IPO7: variants seen among roughly 807,000 people sequenced by gnomAD.
IPO7 encodes the protein importin-7.
IPO7 carries 13 observed loss-of-function variants against 136.4 expected under a neutral mutation model. The ratio of observed to expected loss-of-function variants is 0.10; its 90% confidence interval spans 0.06 to 0.15. IPO7 has a LOEUF of 0.15. IPO7 is among the 10% of genes least tolerant of loss of function. The pLI is 1.00. For missense variants in IPO7, 857 were observed against 1,240.6 expected, an observed-to-expected ratio of 0.69 and a Z score of 4.65; for synonymous variants, 403 against 404.4, an observed-to-expected ratio of 1.00 and a Z score of 0.04.
At chr11:9,406,266 G>C (rs1267557695) in intron 2 of IPO7, among the ~76,000 whole-genome samples, 1 of 151,864 alleles carries the variant, frequency 6.6e-6, no homozygotes, top group East Asian at 1.9e-4. Flanking sequence ...GCCTTCCAAA[G>C]TGCTGGGATC....
rs1427562679 is a variant in IPO7 at position 9,435,011 on chromosome 11, A to G, written c.2152A>G (p.Ile718Val). 4 of 1,600,446 alleles carry G rather than the reference A, an allele frequency of 2.5e-6. No individual in the cohort carries two copies. The highest frequency in any genetic ancestry group is 4.5e-5 in the East Asian group (2 of 44,774). The change falls in exon 19 of 25, where the codon ATA becomes GTA. Residue 718 changes from isoleucine (I) to valine (V), a missense_variant. Coordinates refer to ENST00000379719, the MANE Select transcript of IPO7 (RefSeq NM_006391.3). ...GTCTGACACCAAGTATCTTGAAATG[A>G]TATACAGTATGTGCAAAAAGGTAGG... is the stretch of plus-strand genomic sequence containing the variant. ...LLSDTKYLEM[I>V]YSMCKKVLTG...
In IPO7 at chr11:9,433,285, C is replaced by G. The variant is rs1855325855; in HGVS notation, c.1882-285C>G. 8.4e-6 allele frequency: 3 copies of G among 355,048 alleles called. No individual in the cohort carries two copies. In the East Asian group the frequency reaches 1.7e-4, roughly 20 times the overall value. The allele number at this position is 355,048 out of a possible 1,614,324, so 22.0% of individuals were successfully genotyped here. On this transcript the variant is annotated intron_variant, in intron 16 of 24. Coordinates refer to ENST00000379719, the MANE Select transcript of IPO7 (RefSeq NM_006391.3). ...ACAGGCGTGAGCCACCGCGCCCGGC[C>G]AACTCCTTTATTTTCATAGTTGTTT... is the stretch of plus-strand genomic sequence containing the variant.
chr11:9,437,507 G>A (rs886065992), intron 20 of IPO7, among the ~76,000 whole-genome samples: 2 of 151,994 alleles, frequency 1.3e-5, no homozygotes, highest in Non-Finnish European at 2.9e-5. Context: ...GCCTGCCTCA[G>A]CCTCCCAAAG....
chr11:9,440,917 G>A (rs868731526), intron 23 of IPO7, among the ~76,000 whole-genome samples: 1 of 152,282 alleles, frequency 6.6e-6, no homozygotes, highest in South Asian at 2.1e-4. Context: ...CAGTGACAGT[G>A]CCTCTTTGCT....
chr11:9,411,826 T>C (rs1854971837), intron 4 of IPO7, among the ~76,000 whole-genome samples: 1 of 152,176 alleles, frequency 6.6e-6, no homozygotes, highest in South Asian at 2.1e-4. Flanking sequence ...TTTTTACTCA[T>C]TAGCTTAGAT....
At chr11:9,401,521 C>T (rs558424440) in intron 1 of IPO7, among the ~76,000 whole-genome samples, 1 of 149,664 alleles carries the variant, frequency 6.7e-6, no homozygotes, top group Admixed American at 6.7e-5. Context: ...ATAGCGAGAC[C>T]TGATACCTAA....
intron 23 of IPO7, 83 bp downstream of exon 23, chr11:9,440,744 G>A (rs1855450726): frequency 1.8e-6 from 2 of 1,122,074 alleles, no homozygotes; most frequent in Middle Eastern, 2.0e-4. Context: ...GAAGAGTTTG[G>A]AGGATATCAA....
At chr11:9,407,421 G>A (rs1590433487) in intron 2 of IPO7, among the ~76,000 whole-genome samples, 1 of 152,120 alleles carries the variant, frequency 6.6e-6, no homozygotes, top group African/African-American at 2.4e-5. Flanking sequence ...GGGCATGGTG[G>A]TGCATGCCTG....
chr11:9,404,710 C>T (rs1172497452), intron 2 of IPO7, among the ~76,000 whole-genome samples: 3 of 151,254 alleles, frequency 2.0e-5, no homozygotes, highest in African/African-American at 7.3e-5. Flanking sequence ...GGACCACAGG[C>T]GCCCGCCACC....
Position 9,415,763 on chromosome 11 carries a change from A to G in IPO7, c.637-1296A>G, listed in dbSNP as rs377214803. 1.4e-3 allele frequency among the ~76,000 whole-genome samples: 214 copies of G among 151,748 alleles called. 1 individual carries two copies. The highest frequency in any genetic ancestry group is 4.9e-3 in the African/African-American group (202 of 41,382). On this transcript the variant is annotated intron_variant, in intron 5 of 24. Transcript: ENST00000379719. ...TGAGGCAGGAGAATGGTGTGAACCC[A>G]GGAGGCAGAGGTTGCAGTGAGCCGA...
chr11:9,430,628 G>A (rs186307718), intron 15 of IPO7: 10 of 417,608 alleles, frequency 2.4e-5, no homozygotes, highest in South Asian at 1.2e-4. Flanking sequence ...GTCCTCGTAC[G>A]GTGTCTATGA....
intron 2 of IPO7, 39 bp downstream of exon 2, chr11:9,403,410 T>G (rs1344277149): frequency 6.9e-7 from 1 of 1,449,668 alleles, no homozygotes; most frequent in Admixed American, 1.7e-5. Flanking sequence ...TGTAATCTAT[T>G]GTTTAAAAGG....
At chr11:9,396,580 G>A (rs773513201) in intron 1 of IPO7, among the ~76,000 whole-genome samples, 3 of 151,934 alleles carry the variant, frequency 2.0e-5, no homozygotes, top group Non-Finnish European at 2.9e-5. Flanking sequence ...TCCGCATTCC[G>A]CCCCGACCCC....
chr11:9,417,026 A>C, intron 5 of IPO7, 33 bp from the exon 6 acceptor site: 1 of 996,052 alleles, frequency 1.0e-6, no homozygotes, highest in Non-Finnish European at 1.6e-6. Context: ...TTTAGCAAGG[A>C]TTTCGAAATA....
At chr11:9,423,914 A>G (rs1434450508) in intron 10 of IPO7, 38 bp downstream of exon 10, 4 of 1,234,958 alleles carry the variant, frequency 3.2e-6, no homozygotes, top group Admixed American at 3.5e-5. Context: ...AAAAAATGTC[A>G]GTAATTAAGA....
At chr11:9,420,369 A>T (rs1201885947) in intron 6 of IPO7, 42 bp from the exon 7 acceptor site, 2 of 1,256,008 alleles carry the variant, frequency 1.6e-6, no homozygotes, top group Non-Finnish European at 2.3e-6. Flanking sequence ...TGTTCCTCCT[A>T]TATTGTATTA....
Position 9,384,867 on chromosome 11 carries a change from G to A in IPO7, c.84+20G>A, listed in dbSNP as rs1385988421. ...AATGAAGTAAGGACGCCCGGCTAGCGGTGGCGGCGGGCAGGCGGGTGGGCA... is the reference window on the plus strand; with the variant it reads ...AATGAAGTAAGGACGCCCGGCTAGCAGTGGCGGCGGGCAGGCGGGTGGGCA... On this transcript the variant is annotated intron_variant, in intron 1 of 24. Coordinates refer to ENST00000379719, the MANE Select transcript of IPO7 (RefSeq NM_006391.3). 1.9e-6 allele frequency: 3 copies of A among 1,570,772 alleles called. No homozygotes were observed. Among genetic ancestry groups the A allele is most frequent in the Middle Eastern group, 1.7e-4 (1 of 6,010 alleles).
chr11:9,445,218 G>C lies in IPO7; in HGVS notation c.*24G>C, dbSNP rs758721486. The stretch of plus-strand genomic sequence containing the variant: ...GAGTTATCTCTTTCTTTCCTGCTGT[G>C]TGCTTGTAGTGAAGAGCTTGTGTTC... On this transcript the variant is annotated 3_prime_UTR_variant, in exon 25 of 25. Coordinates refer to ENST00000379719, the MANE Select transcript of IPO7 (RefSeq NM_006391.3). The C allele has an allele frequency of 2.1e-6, 3 of 1,421,716 alleles. No individual in the cohort carries two copies. The highest frequency in any genetic ancestry group is 3.0e-6 in the Non-Finnish European group (3 of 1,005,118). 88.1% of individuals were successfully genotyped at this position (1,421,716 alleles called of 1,614,324 possible). A position where few individuals can be genotyped will look rare whatever the true frequency, so the allele number is the denominator to read the frequency against.
At chr11:9,419,476 A>AGGCAGAG (rs1344338579) in intron 6 of IPO7, among the ~76,000 whole-genome samples, 1 of 149,684 alleles carries the variant, frequency 6.7e-6, no homozygotes, top group Admixed American at 6.7e-5. Context: ...TGAACCAGGG[A>AGGCAGAG]GGCAGAGGTT....
Sources: allele counts gnomAD v4.1 joint callset (sites outside exome capture counted in the v4.1 genomes callset), GRCh38; gene constraint gnomAD v4.1.1; transcripts MANE v1.5; gene names NCBI Gene and HGNC (gene_info 2026-07-23, HGNC 2026-07-21).